The following NUBPL variants were observed in gnomAD, a reference collection of about 807,000 sequenced individuals.
NUBPL encodes the protein iron-sulfur cluster transfer protein NUBPL.
In NUBPL, 31 loss-of-function variants were observed where a neutral mutation model predicts 45.7. That is an observed-to-expected ratio of 0.68 (90% confidence interval 0.51 to 0.92). The LOEUF is 0.92. Among genes scored for constraint, NUBPL ranks in the 40% least tolerant of loss-of-function variants. The pLI is 0.00. For synonymous variants in NUBPL, 144 were observed against 140.9 expected (o/e 1.02, Z -0.15); for missense variants, 401 against 398.7 (o/e 1.01, Z -0.05).
In NUBPL at chr14:31,813,472, TAC is replaced by T. The variant is rs1186501671; in HGVS notation, c.608-13155_608-13154del. ...ACACACACACACACACACACATACA[TAC>T]ATATATATATATACACACATACATA... On this transcript the variant is annotated intron_variant, in intron 7 of 10. Transcript: ENST00000281081. Among the ~76,000 whole-genome samples the T allele has an allele frequency of 5.5e-4, 82 of 149,636 alleles. 1 individual carries two copies. The South Asian group carries it at 0.012, about 21-fold the overall frequency.
intron 4 of NUBPL, among the ~76,000 whole-genome samples, chr14:31,667,197 A>T (rs148507331): frequency 0.011 from 1,616 of 152,102 alleles, 24 homozygotes; most frequent in African/African-American, 0.037. Flanking sequence ...AATCAATCGT[A>T]GGTTTGGTCT....
intron 6 of NUBPL, among the ~76,000 whole-genome samples, chr14:31,764,660 AT>A (rs1234811803): frequency 1.1e-4 from 16 of 152,228 alleles, no homozygotes; most frequent in African/African-American, 3.9e-4. Flanking sequence ...GCAAGTCTAG[AT>A]ATAATGACCA....
intron 7 of NUBPL, among the ~76,000 whole-genome samples, chr14:31,825,841 C>G (rs1439181973): frequency 2.0e-5 from 3 of 149,100 alleles, no homozygotes; most frequent in South Asian, 2.1e-4. Context: ...CTTGTTTCTT[C>G]TTTCTTCTTT....
At chr14:31,849,022 T>C (rs1451399932) in intron 9 of NUBPL, among the ~76,000 whole-genome samples, 1 of 152,198 alleles carries the variant, frequency 6.6e-6, no homozygotes, top group Non-Finnish European at 1.5e-5. Flanking sequence ...TCAAATTTAA[T>C]GAAAAGCTGA....
At chr14:31,675,227 G>A (rs982348079) in intron 6 of NUBPL, among the ~76,000 whole-genome samples, 1 of 152,154 alleles carries the variant, frequency 6.6e-6, no homozygotes, top group Admixed American at 6.5e-5. Context: ...TAAAGATGGG[G>A]TAAGAAAATG....
At chr14:31,695,074 G>A (rs1271116013) in intron 6 of NUBPL, among the ~76,000 whole-genome samples, 3 of 152,208 alleles carry the variant, frequency 2.0e-5, no homozygotes, top group African/African-American at 7.2e-5. Context: ...GTTACATAGT[G>A]TTGACCATCA....
intron 6 of NUBPL, among the ~76,000 whole-genome samples, chr14:31,775,031 A>G (rs1168736877): frequency 6.6e-6 from 1 of 152,232 alleles, no homozygotes; most frequent in African/African-American, 2.4e-5. Context: ...AAGACCAAAT[A>G]CATATTTCAC....
chr14:31,679,745 C>T (rs2036786112), intron 6 of NUBPL, among the ~76,000 whole-genome samples: 2 of 152,050 alleles, frequency 1.3e-5, no homozygotes, highest in East Asian at 3.8e-4. Context: ...GTTTCTTTTA[C>T]TTTTCTATGT....
At chr14:31,695,823 C>T (rs2037202465) in intron 6 of NUBPL, among the ~76,000 whole-genome samples, 1 of 152,194 alleles carries the variant, frequency 6.6e-6, no homozygotes, top group Non-Finnish European at 1.5e-5. Context: ...AGAAAACAGA[C>T]TAAAACACCG....
chr14:31,564,113 G>A (rs940899707), intron 2 of NUBPL, among the ~76,000 whole-genome samples: 4 of 152,098 alleles, frequency 2.6e-5, no homozygotes, highest in Non-Finnish European at 4.4e-5. Context: ...GTTCTGTAAG[G>A]AAATGTGATT....
intron 6 of NUBPL, among the ~76,000 whole-genome samples, chr14:31,754,919 A>G (rs913877622): frequency 1.6e-5 from 2 of 126,144 alleles, no homozygotes; most frequent in South Asian, 2.7e-4. Flanking sequence ...TCATTGTTCA[A>G]TTCCCATCTA....
Position 31,634,635 on chromosome 14 carries a change from C to G in NUBPL, c.382+35256C>G, listed in dbSNP as rs1260849200. Reference sequence around the variant, plus strand: ...GGGATGGCTGGGTCAAATGGTATTTCTAGTTCTAGATCCCTGAGGAATCGC... The same window carrying G: ...GGGATGGCTGGGTCAAATGGTATTTGTAGTTCTAGATCCCTGAGGAATCGC... On this transcript the variant is annotated intron_variant, in intron 4 of 10. Transcript: ENST00000281081. Among the ~76,000 whole-genome samples the G allele has an allele frequency of 2.0e-5, 3 of 152,198 alleles. No individual in the cohort carries two copies. The East Asian group carries it at 5.8e-4, about 29-fold the overall frequency.
intron 6 of NUBPL, among the ~76,000 whole-genome samples, chr14:31,782,385 ACT>A (rs1394699655): frequency 6.6e-6 from 1 of 152,008 alleles, no homozygotes; most frequent in Admixed American, 6.6e-5. Context: ...ACAGAGCAAG[ACT>A]CTGTCTCAAA....
At chr14:31,816,454 A>C (rs574690589) in intron 7 of NUBPL, among the ~76,000 whole-genome samples, 2 of 141,652 alleles carry the variant, frequency 1.4e-5, no homozygotes, top group Non-Finnish European at 3.2e-5. Flanking sequence ...GAGTCTATCT[A>C]TTTTGTTAAT....
rs146034825 is a variant in NUBPL at position 31,666,824 on chromosome 14, C to T, written c.383-6531C>T. Reference sequence around the variant, plus strand: ...CTTCACTTATGAAGCTTAGTTTGGCCGTATATGAAATTCTGGGTTGAAAAT... The same window carrying T: ...CTTCACTTATGAAGCTTAGTTTGGCTGTATATGAAATTCTGGGTTGAAAAT... On this transcript the variant is annotated intron_variant, in intron 4 of 10. Coordinates refer to ENST00000281081, the MANE Select transcript of NUBPL (RefSeq NM_025152.3). Among the ~76,000 whole-genome samples, 785 of 151,964 alleles carry T rather than the reference C, an allele frequency of 5.2e-3. 5 individuals carry two copies. The highest frequency in any genetic ancestry group is 0.014 in the Middle Eastern group (4 of 292).
intron 6 of NUBPL, among the ~76,000 whole-genome samples, chr14:31,705,908 T>C (rs891749920): frequency 6.6e-6 from 1 of 152,190 alleles, no homozygotes; most frequent in African/African-American, 2.4e-5. Flanking sequence ...CTGCCGAGCC[T>C]GTGCTCACCT....
chr14:31,671,304 T>C (rs2036564799), intron 4 of NUBPL, among the ~76,000 whole-genome samples: 1 of 152,230 alleles, frequency 6.6e-6, no homozygotes, highest in African/African-American at 2.4e-5. Context: ...TGATTTCATA[T>C]CTTGACTATT....
intron 4 of NUBPL, among the ~76,000 whole-genome samples, chr14:31,643,109 A>G (rs1317282782): frequency 2.0e-5 from 3 of 152,062 alleles, no homozygotes; most frequent in Non-Finnish European, 2.9e-5. Flanking sequence ...AGCAAGACTA[A>G]TTTGATTTCT....
chr14:31,600,459 GA>G (rs2034401319), intron 4 of NUBPL, among the ~76,000 whole-genome samples: 1 of 152,140 alleles, frequency 6.6e-6, no homozygotes. Flanking sequence ...GATGTGGAAG[GA>G]AACTAGAGTA....
Sources: allele counts gnomAD v4.1 joint callset (sites outside exome capture counted in the v4.1 genomes callset), GRCh38; gene constraint gnomAD v4.1.1; transcripts MANE v1.5; gene names NCBI Gene and HGNC (gene_info 2026-07-23, HGNC 2026-07-21).